SLC49A3: variants seen among roughly 807,000 people sequenced by gnomAD.
SLC49A3 encodes the protein solute carrier family 49 member A3.
Under a neutral mutation model 43.8 loss-of-function variants are expected in SLC49A3, and 50 were observed. The observed-to-expected ratio is 1.14, with a 90% CI of 0.91 to 1.45. The LOEUF is 1.45. Ranked by LOEUF, SLC49A3 falls within the 40% of genes most tolerant of loss-of-function variation. The pLI is 0.00. For synonymous variants in SLC49A3, 413 were observed against 352.0 expected, an observed-to-expected ratio of 1.17 and a Z score of -1.94; for missense variants, 906 against 774.1, an observed-to-expected ratio of 1.17 and a Z score of -2.02.
Position 684,746 on chromosome 4 carries a change from T to C in SLC49A3, c.696A>G (p.Ser232=), listed in dbSNP as rs371646972. ...GCTTGAGCCCATCCAGGAACTTCTC[T>C]GAGGTGGAGCTGGCAGCCCCGGCAG... The part of the protein sequence containing the change: ...PPSAGAASST[S]EKFLDGLKLL... Residue 232 remains serine, a synonymous_variant, in exon 5 of 10, where the codon TCA becomes TCG. Coordinates refer to ENST00000322224, the MANE Select transcript of SLC49A3 (RefSeq NM_032219.4). 13 of 1,611,662 alleles carry C rather than the reference T, an allele frequency of 8.1e-6. No homozygotes were observed. The highest frequency in any genetic ancestry group is 1.1e-5 in the Non-Finnish European group (13 of 1,179,628).
At chr4:679,438 C>A (rs548544481), downstream of SLC49A3, among the ~76,000 whole-genome samples, 1 of 152,356 alleles carries the variant, frequency 6.6e-6, no homozygotes, top group Admixed American at 6.5e-5. Flanking sequence ...GCTGCCCAGC[C>A]TCTGCAGCAC....
chr4:681,610 C>A (rs1193112751), downstream of SLC49A3, among the ~76,000 whole-genome samples: 1 of 122,736 alleles, frequency 8.1e-6, no homozygotes, highest in Non-Finnish European at 1.7e-5. Flanking sequence ...GCCCCGCCCC[C>A]TCCAGCGCCG....
At chr4:678,333 C>T (rs1739064402), downstream of SLC49A3, 2 of 1,418,682 alleles carry the variant, frequency 1.4e-6, no homozygotes, top group Non-Finnish European at 1.8e-6. Flanking sequence ...AACAAGCCCA[C>T]CCAGAGTCCA....
At chr4:691,286 A>AG (rs1253399713), upstream of SLC49A3, among the ~76,000 whole-genome samples, 1 of 149,330 alleles carries the variant, frequency 6.7e-6, no homozygotes, top group Admixed American at 6.7e-5. Flanking sequence ...CTGTCTCAAA[A>AG]AAAAAAAAAA....
intron 1 of SLC49A3, among the ~76,000 whole-genome samples, chr4:687,723 T>TCGCC (rs985971526): frequency 5.6e-4 from 85 of 152,302 alleles, no homozygotes; most frequent in African/African-American, 2.0e-3. Flanking sequence ...CTGCCTGCGC[T>TCGCC]CGCCCCCTTG....
Position 686,110 on chromosome 4 carries a change from C to T in SLC49A3, c.487G>A (p.Ala163Thr). The T allele has an allele frequency of 6.2e-7, 1 of 1,613,046 alleles. No homozygotes were observed. Among genetic ancestry groups the T allele is most frequent in the Non-Finnish European group, 8.5e-7 (1 of 1,179,926 alleles). The change falls in exon 3 of 10, where the codon GCC becomes ACC. Residue 163 changes from alanine to threonine, a missense_variant. Transcript: ENST00000322224. ...LWFPEHQRATANMLATMSNPL... is the reference protein window; with the variant it reads ...LWFPEHQRATTNMLATMSNPL... ...TCACACATGGTGGCGAGCATGTTGG[C>T]CGTGGCTCGCTGGTGCTCTGGGAAC...
At chr4:677,957 C>A, downstream of SLC49A3, 1 of 1,612,658 alleles carries the variant, frequency 6.2e-7, no homozygotes, top group Non-Finnish European at 8.5e-7. Flanking sequence ...TCCTGGGGGA[C>A]CAAGCAGGAG....
rs754338627 is a variant in SLC49A3, at chr4:684,796, C to T, written c.646G>A (p.Glu216Lys). ...VCLLSTICLWESVPPTPPSAG... is the reference protein window; with the variant it reads ...VCLLSTICLWKSVPPTPPSAG... ...GAGGGCGGGGTGGGGGGCACACTCT[C>T]CCACAGGCAGATGGTGGACAGCAGG... Residue 216 changes from glutamate to lysine, a missense_variant, in exon 5 of 10, where the codon GAG becomes AAG. Physicochemically the swap from Glu to Lys is moderately conservative, Grantham distance 56. Coordinates refer to ENST00000322224, the MANE Select transcript of SLC49A3 (RefSeq NM_032219.4). The T allele has an allele frequency of 2.5e-6, 4 of 1,612,554 alleles. No homozygotes were observed. In the East Asian group the frequency reaches 8.9e-5, roughly 36 times the overall value.
intron 9 of SLC49A3, 109 bp from the exon 10 acceptor site, chr4:682,485 C>A: frequency 2.6e-6 from 3 of 1,169,836 alleles, no homozygotes; most frequent in Non-Finnish European, 3.3e-6. Flanking sequence ...ACAGAGTGAC[C>A]CCAGACGGAG....
upstream of SLC49A3, among the ~76,000 whole-genome samples, chr4:689,767 G>A (rs143102140): frequency 7.3e-3 from 1,107 of 152,386 alleles, 8 homozygotes; most frequent in Non-Finnish European, 0.012. Context: ...TACAATGGAG[G>A]ACACGGCTCT....
chr4:676,988 T>C (rs1738904680), downstream of SLC49A3: 1 of 939,504 alleles, frequency 1.1e-6, no homozygotes, highest in African/African-American at 1.8e-5. Flanking sequence ...GGACCTCTGC[T>C]CAAGAGACAT....
downstream of SLC49A3, chr4:678,698 G>A (rs777777538): frequency 1.0e-4 from 164 of 1,611,558 alleles, 1 homozygote; most frequent in Non-Finnish European, 7.4e-5. Flanking sequence ...GGTGCCCTCC[G>A]GGCCCAGAGA....
At chr4:678,178 A>T, downstream of SLC49A3, 1 of 1,538,024 alleles carries the variant, frequency 6.5e-7, no homozygotes, top group Non-Finnish European at 8.8e-7. Context: ...ATGTGTGTGC[A>T]TGAGCGTGTG....
Position 683,335 on chromosome 4 carries a change from C to T in SLC49A3, c.1026G>A (p.Leu342=). 6.2e-7 allele frequency: 1 copy of T among 1,612,214 alleles called. No homozygotes were observed. The highest frequency in any genetic ancestry group is 1.3e-5 in the African/African-American group (1 of 75,044). The change falls in exon 8 of 10, where the codon CTG becomes CTA. Residue 342 remains leucine (L), a synonymous_variant. Coordinates refer to ENST00000322224, the MANE Select transcript of SLC49A3 (RefSeq NM_032219.4). ...VSQLQGQTLA[L]AATCSLLGLF... ...GCCCGAGCAGCGAGCAGGTGGCAGC[C>T]AGGGCAAGGGTCTGTCCCTGCAGCT...
chr4:678,378 C>T (rs1739069451), downstream of SLC49A3: 4 of 1,414,042 alleles, frequency 2.8e-6, no homozygotes, highest in South Asian at 4.5e-5. Context: ...CAAGCTGGCT[C>T]CTGCTGGACG....
downstream of SLC49A3, among the ~76,000 whole-genome samples, chr4:677,162 T>TG (rs1287917950): frequency 2.0e-5 from 3 of 152,172 alleles, no homozygotes; most frequent in African/African-American, 7.2e-5. Flanking sequence ...GACGCAGGCC[T>TG]GGGGGGCTCC....
At chr4:681,514 T>A (rs1313125965), downstream of SLC49A3, among the ~76,000 whole-genome samples, 10 of 51,988 alleles carry the variant, frequency 1.9e-4, no homozygotes, top group Non-Finnish European at 2.6e-4. Context: ...CCCCCGCACC[T>A]CCCCCAGACC....
At chr4:677,897 G>A, downstream of SLC49A3, 1 of 1,514,700 alleles carries the variant, frequency 6.6e-7, no homozygotes, top group East Asian at 2.3e-5. Context: ...AGTCCCCTGG[G>A]GTAGCCCCAA....
chr4:682,937 G>C (rs575195415), intron 8 of SLC49A3, 47 bp from the exon 9 acceptor site: 3 of 1,450,974 alleles, frequency 2.1e-6, no homozygotes, highest in East Asian at 2.4e-5. Flanking sequence ...CCACCCCCTC[G>C]GAGCCAGGTG....
Sources: gnomAD v4.1 joint callset for allele counts (sites outside exome capture counted in the v4.1 genomes callset) on GRCh38, gnomAD v4.1.1 for gene constraint, MANE v1.5 for transcripts, NCBI Gene and HGNC (gene_info 2026-07-23, HGNC 2026-07-21) for gene names.